ZNF273: variants seen among roughly 807,000 people sequenced by gnomAD.
ZNF273 encodes zinc finger protein 9.
ZNF273 carries 11 observed loss-of-function variants against 14.9 expected under a neutral mutation model. That is an observed-to-expected ratio of 0.74 (90% CI 0.46 to 1.22). The LOEUF is 1.22. Among genes scored for constraint, ZNF273 ranks in the 50% most tolerant of loss-of-function variants. ZNF273 has a pLI of 0.00. For synonymous variants in ZNF273, 199 were observed against 223.9 expected, an observed-to-expected ratio of 0.89 and a Z score of 0.99; for missense variants, 577 against 660.6, an observed-to-expected ratio of 0.87 and a Z score of 1.39.
chr7:64,900,342 T>G (rs1398330175), upstream of ZNF273, among the ~76,000 whole-genome samples: 1 of 152,076 alleles, frequency 6.6e-6, no homozygotes. Flanking sequence ...CCCAGGCTGG[T>G]TTCAAACTCC....
intron 1 of ZNF273, chr7:64,916,900 TTTA>T: frequency 1.3e-6 from 1 of 784,630 alleles, no homozygotes; most frequent in Non-Finnish European, 1.6e-6. Context: ...TTTTCTCTTC[TTTA>T]TTAAGTATCT....
rs1794826592 is a variant in ZNF273 at position 64,927,654 on chromosome 7, T to G, written c.326T>G (p.Val109Gly). Residue 109 changes from valine to glycine, a missense_variant and splice_region_variant, in exon 4 of 4, where the codon GTT (valine) becomes GGT (glycine). Physicochemically the swap from Val to Gly is moderately radical, Grantham distance 109 (BLOSUM62 -3). Transcript: ENST00000476120. ...KRHAMVAKPP[V>G]VCSHFAQDLW... is the part of the protein sequence containing the mutation. ...TAATTGTTACTTTTATTTCTTTCAG[T>G]TGTGTGTTCTCATTTTGCCCAAGAC... The G allele has an allele frequency of 2.6e-6, 4 of 1,557,054 alleles. No individual in the cohort carries two copies. The highest frequency in any genetic ancestry group is 3.5e-6 in the Non-Finnish European group (4 of 1,157,748).
chr7:64,929,936 A>C lies in ZNF273; in HGVS notation c.*898A>C. ...GGCTGGAGTGCAATGGCGTGATCTC[A>C]GCTCACCGCAACCTCTGCCTCCCAG... On this transcript the variant is annotated 3_prime_UTR_variant, in exon 4 of 4. Transcript: ENST00000476120. 1 of 151,862 alleles carries C rather than the reference A, an allele frequency of 6.6e-6. No individual in the cohort carries two copies. Among genetic ancestry groups the C allele is most frequent in the Non-Finnish European group, 1.5e-5 (1 of 68,562 alleles). 9.4% of individuals were successfully genotyped at this position (151,862 alleles called of 1,614,324 possible). A position where few individuals can be genotyped will look rare whatever the true frequency, so the allele number is the denominator to read the frequency against.
At chr7:64,920,167 G>A (rs1794324336) in intron 3 of ZNF273, among the ~76,000 whole-genome samples, 1 of 152,104 alleles carries the variant, frequency 6.6e-6, no homozygotes, top group African/African-American at 2.4e-5. Context: ...CTGCACTAGG[G>A]TCCACCTTTA....
downstream of ZNF273, chr7:64,889,951 A>C: frequency 6.0e-6 from 1 of 167,672 alleles, no homozygotes; most frequent in Non-Finnish European, 1.2e-5. This position sits in a 1 kb window ranked among gnomAD's most constrained non-coding sequence, Gnocchi z 4.2. Flanking sequence ...CTCTGCAATC[A>C]TGAGCAGCAC....
chr7:64,896,007 TTTTTC>T (rs1236611348), intron 3 of ZNF273, among the ~76,000 whole-genome samples: 5 of 152,180 alleles, frequency 3.3e-5, no homozygotes, highest in South Asian at 2.1e-4. Context: ...TTTATTTTCT[TTTTTC>T]TTTTCTTTTT....
At chr7:64,888,514 G>A (rs1391486329) in intron 1 of ZNF273, 6 of 985,844 alleles carry the variant, frequency 6.1e-6, no homozygotes, top group Non-Finnish European at 7.2e-6. Context: ...TATTGATGGT[G>A]AGAATTAAGA....
rs927606509 is a variant in ZNF273, at chr7:64,928,386, A to T, written c.1058A>T (p.Lys353Ile). The T allele has an allele frequency of 2.5e-6, 4 of 1,613,742 alleles. No homozygotes were observed. Among genetic ancestry groups the T allele is most frequent in the Non-Finnish European group, 3.4e-6 (4 of 1,179,908 alleles). The change falls in exon 4 of 4, where the codon AAA (lysine) becomes ATA (isoleucine). Residue 353 changes from lysine to isoleucine, a missense_variant. Lys to Ile is a moderately radical substitution (Grantham distance 102). Transcript: ENST00000476120. Reference sequence around the variant, plus strand: ...CCCTACAAATGCAATGAATGTGGTAAAGCCTTTAACTGGTCCTCAACTCTT... The same window carrying T: ...CCCTACAAATGCAATGAATGTGGTATAGCCTTTAACTGGTCCTCAACTCTT... Reference protein sequence around the residue: ...EKPYKCNECGKAFNWSSTLTK... With the variant: ...EKPYKCNECGIAFNWSSTLTK...
downstream of ZNF273, among the ~76,000 whole-genome samples, chr7:64,882,956 T>G (rs1196312777): frequency 1.3e-5 from 2 of 151,850 alleles, no homozygotes; most frequent in Non-Finnish European, 2.9e-5. Flanking sequence ...GCTGCCCGAG[T>G]GTGTATGCGG....
chr7:64,931,938 A>G (rs1423861338), downstream of ZNF273, among the ~76,000 whole-genome samples: 1 of 152,168 alleles, frequency 6.6e-6, no homozygotes, highest in Non-Finnish European at 1.5e-5. Context: ...TTTTCTAATT[A>G]TATTCAGTTT....
chr7:64,918,894 C>T (rs1794223869), intron 3 of ZNF273, among the ~76,000 whole-genome samples: 1 of 151,852 alleles, frequency 6.6e-6, no homozygotes, highest in Non-Finnish European at 1.5e-5. Context: ...AATCTTACTG[C>T]TTTTCCATTG....
At position 64,927,899 on chromosome 7, in the gene ZNF273, T is replaced by C; in HGVS notation, c.571T>C (p.Ser191Pro). ...ATATGTTAAAGTCCTTCATAAATTC[T>C]CAAATTCAAATATACATAAGAAAAG... Reference protein sequence around the residue: ...DKYVKVLHKFSNSNIHKKRQT... With the variant: ...DKYVKVLHKFPNSNIHKKRQT... Residue 191 changes from serine to proline, a missense_variant, in exon 4 of 4, where the codon TCA becomes CCA. Ser to Pro is a moderately conservative substitution (Grantham distance 74). Around this residue, in one of 3 missense-constraint regions of ZNF273, gnomAD observed 411 missense variants for 440.4 expected, o/e 0.93. Transcript: ENST00000476120. The C allele has an allele frequency of 6.2e-7, 1 of 1,613,440 alleles. No individual in the cohort carries two copies. Among genetic ancestry groups the C allele is most frequent in the Non-Finnish European group, 8.5e-7 (1 of 1,179,772 alleles).
Position 64,928,971 on chromosome 7 carries a change from A to C in ZNF273, c.1643A>C (p.Asp548Ala). 1 of 1,600,708 alleles carries C rather than the reference A, an allele frequency of 6.2e-7. No homozygotes were observed. Among genetic ancestry groups the C allele is most frequent in the Non-Finnish European group, 8.5e-7 (1 of 1,174,520 alleles). ...GEKPYKPKRC[D>A]SAFDNTPNFS... ...AAACCATACAAACCTAAAAGATGTG[A>C]CAGTGCTTTTGACAACACCCCAAAC... Residue 548 changes from aspartate (D) to alanine (A), a missense_variant, in exon 4 of 4, where the codon GAC becomes GCC. By Grantham distance (126) the Asp-to-Ala change is moderately radical. This residue lies in a region of ZNF273 where 411 missense variants were observed against 440.4 expected (regional missense o/e 0.93). Transcript: ENST00000476120.
chr7:64,920,092 G>C (rs1287032294), intron 3 of ZNF273, among the ~76,000 whole-genome samples: 1 of 152,164 alleles, frequency 6.6e-6, no homozygotes, highest in Non-Finnish European at 1.5e-5. Context: ...GGCCCCCAGA[G>C]TGATGGTTTG....
Position 64,917,721 on chromosome 7 carries a change from T to C in ZNF273, c.229+14T>C. On this transcript the variant is annotated intron_variant, in intron 2 of 3. Coordinates refer to ENST00000476120, the MANE Select transcript of ZNF273 (RefSeq NM_021148.3). ...TGGTCTTCCTGGGTGAGGATAATTT[T>C]AATACATAATTTAAAGGTTTCACTT... is the stretch of plus-strand genomic sequence containing the variant. 6.4e-7 allele frequency: 1 copy of C among 1,569,964 alleles called. No individual in the cohort carries two copies. Among genetic ancestry groups the C allele is most frequent in the Non-Finnish European group, 8.6e-7 (1 of 1,158,284 alleles).
downstream of ZNF273, chr7:64,890,170 C>G (rs1791890152): frequency 7.7e-6 from 1 of 129,464 alleles, no homozygotes; most frequent in African/African-American, 2.9e-5. Context: ...ATTTAGGAGC[C>G]TGGAGGAAGC....
At position 64,928,937 on chromosome 7, in the gene ZNF273, A is replaced by G. The variant is rs1185635596; in HGVS notation, c.1609A>G (p.Thr537Ala). 2 of 1,613,530 alleles carry G rather than the reference A, an allele frequency of 1.2e-6. No homozygotes were observed. The highest frequency in any genetic ancestry group is 1.1e-5 in the South Asian group (1 of 91,014). The change falls in exon 4 of 4, where the codon ACT (threonine) becomes GCT (alanine). Residue 537 changes from threonine (T) to alanine (A), a missense_variant. Transcript: ENST00000476120. Reference protein sequence around the residue: ...SNLTRHKKIHTGEKPYKPKRC... With the variant: ...SNLTRHKKIHAGEKPYKPKRC... ...CCTTACTCGACATAAGAAAATTCATACTGGAGAGAAACCATACAAACCTAA... is the reference window on the plus strand; with the variant it reads ...CCTTACTCGACATAAGAAAATTCATGCTGGAGAGAAACCATACAAACCTAA...
intron 1 of ZNF273, among the ~76,000 whole-genome samples, chr7:64,908,939 A>G (rs1339992455): frequency 6.6e-6 from 1 of 152,030 alleles, no homozygotes; most frequent in Non-Finnish European, 1.5e-5. Flanking sequence ...TGGAGACAGG[A>G]TATTCTATTG....
rs574586135 is a variant in ZNF273 at position 64,917,430 on chromosome 7, T to C, written c.103-151T>C. 65 of 1,223,758 alleles carry C rather than the reference T, an allele frequency of 5.3e-5. No individual in the cohort carries two copies. The South Asian group carries it at 8.3e-4, about 16-fold the overall frequency. 75.8% of individuals were successfully genotyped at this position (1,223,758 alleles called of 1,614,324 possible). ...GTTAGAGAACACATTTGAGAATATT[T>C]CTGTTTTGAAAATTATTTTATTGGA... is the stretch of plus-strand genomic sequence containing the variant. On this transcript the variant is annotated intron_variant, in intron 1 of 3. Transcript: ENST00000476120.
Sources: allele counts gnomAD v4.1 joint callset (sites outside exome capture counted in the v4.1 genomes callset), GRCh38; gene constraint gnomAD v4.1.1; regional missense constraint gnomAD v4.1.1; non-coding constraint Gnocchi (gnomAD v3.1); transcripts MANE v1.5; gene names NCBI Gene and HGNC (gene_info 2026-07-23, HGNC 2026-07-21).